Variants in BTLA observed in about 807,000 individuals in gnomAD.
BTLA encodes the protein B- and T-lymphocyte attenuator.
BTLA carries 11 observed loss-of-function variants against 25.0 expected under a neutral mutation model. That is an observed-to-expected ratio of 0.44 (90% CI 0.28 to 0.73). The LOEUF (loss-of-function observed/expected upper bound fraction) is 0.73, where lower values mean the gene tolerates loss of function less well. BTLA is among the 30% of genes least tolerant of loss of function. The probability of loss-of-function intolerance (pLI) is 0.15; values close to 1 mark genes in which losing one functional copy is unlikely to be tolerated. For synonymous variants in BTLA, 104 were observed against 119.8 expected, an observed-to-expected ratio of 0.87 and a Z score of 0.86; for missense variants, 282 against 332.8, an observed-to-expected ratio of 0.85 and a Z score of 1.19.
intron 1 of BTLA, among the ~76,000 whole-genome samples, chr3:112,492,762 A>AC (rs1177912038): frequency 6.6e-6 from 1 of 152,094 alleles, no homozygotes; most frequent in African/African-American, 2.4e-5. Flanking sequence ...TGGGGCCATA[A>AC]CCCCCCAGAT....
intron 2 of BTLA, among the ~76,000 whole-genome samples, chr3:112,477,612 C>T (rs2082295904): frequency 6.6e-6 from 1 of 151,986 alleles, no homozygotes; most frequent in Admixed American, 6.5e-5. Flanking sequence ...TCCAATTTAT[C>T]TATTTTTGGT....
chr3:112,484,409 G>C (rs556047026), intron 1 of BTLA, among the ~76,000 whole-genome samples: 1 of 152,262 alleles, frequency 6.6e-6, no homozygotes, highest in Admixed American at 6.5e-5. Flanking sequence ...CTAACACATT[G>C]AGCGAATTTG....
intron 1 of BTLA, among the ~76,000 whole-genome samples, chr3:112,485,989 A>C (rs768024050): frequency 5.3e-5 from 8 of 152,068 alleles, no homozygotes; most frequent in Non-Finnish European, 8.8e-5. Context: ...TGGTGGCGGG[A>C]GCCTGTAGTC....
intron 1 of BTLA, among the ~76,000 whole-genome samples, chr3:112,492,620 C>G (rs115916660): frequency 6.6e-6 from 1 of 152,202 alleles, no homozygotes; most frequent in African/African-American, 2.4e-5. Flanking sequence ...CATTCTACCA[C>G]AGACATCACA....
At chr3:112,480,395 C>T (rs968275944) in intron 1 of BTLA, among the ~76,000 whole-genome samples, 6 of 152,202 alleles carry the variant, frequency 3.9e-5, no homozygotes, top group Admixed American at 6.5e-5. Context: ...TCTCTACACA[C>T]GGACACATGA....
At chr3:112,493,914 C>T (rs1282337240) in intron 1 of BTLA, among the ~76,000 whole-genome samples, 1 of 152,156 alleles carries the variant, frequency 6.6e-6, no homozygotes, top group Non-Finnish European at 1.5e-5. Context: ...AGATCAAGAC[C>T]ATCCTGACTA....
At chr3:112,482,636 A>C (rs1225261892) in intron 1 of BTLA, among the ~76,000 whole-genome samples, 2 of 152,210 alleles carry the variant, frequency 1.3e-5, no homozygotes, top group Non-Finnish European at 2.9e-5. Flanking sequence ...AGTGAGAAAA[A>C]GGACCTGCAG....
intron 4 of BTLA, among the ~76,000 whole-genome samples, chr3:112,468,715 T>C (rs573784925): frequency 2.0e-5 from 3 of 152,312 alleles, no homozygotes; most frequent in Non-Finnish European, 2.9e-5. Context: ...GAAATTTTTA[T>C]TATTATTTAC....
intron 1 of BTLA, among the ~76,000 whole-genome samples, chr3:112,480,373 C>T (rs1373850194): frequency 1.3e-5 from 2 of 152,178 alleles, no homozygotes; most frequent in African/African-American, 2.4e-5. Context: ...TCACACAAAG[C>T]CTGTTTGGTG....
chr3:112,469,682 T>C, intron 4 of BTLA, 76 bp downstream of exon 4: 1 of 1,107,356 alleles, frequency 9.0e-7, no homozygotes, highest in East Asian at 2.7e-5. Flanking sequence ...CATGGTGTTA[T>C]ATAAATTCAT....
chr3:112,486,691 AG>A (rs2082349680), intron 1 of BTLA, among the ~76,000 whole-genome samples: 1 of 152,224 alleles, frequency 6.6e-6, no homozygotes, highest in African/African-American at 2.4e-5. Context: ...TATTTTCTAA[AG>A]TTAGTTTTAA....
At chr3:112,474,554 A>G (rs1482841617) in intron 2 of BTLA, among the ~76,000 whole-genome samples, 6 of 152,196 alleles carry the variant, frequency 3.9e-5, no homozygotes, top group Non-Finnish European at 8.8e-5. Flanking sequence ...GGACATTATA[A>G]TCTTTCATGG....
At chr3:112,490,698 A>G (rs939739870) in intron 1 of BTLA, among the ~76,000 whole-genome samples, 1 of 145,924 alleles carries the variant, frequency 6.9e-6, no homozygotes, top group Admixed American at 7.0e-5. Flanking sequence ...AAGAATACAC[A>G]GGGCATAAAT....
At chr3:112,469,052 TAGAG>T (rs2082245695) in intron 4 of BTLA, among the ~76,000 whole-genome samples, 1 of 152,216 alleles carries the variant, frequency 6.6e-6, no homozygotes, top group African/African-American at 2.4e-5. Context: ...TAGTTTTAAT[TAGAG>T]AGCTTCAGAA....
chr3:112,465,447 A>G lies in BTLA; in HGVS notation c.*661T>C, dbSNP rs1188051490. ...TACGTTGACTGCTCCATTAATACCTATATTTGCTTATCAATCTAACAGAGT... is the reference window on the plus strand; with the variant it reads ...TACGTTGACTGCTCCATTAATACCTGTATTTGCTTATCAATCTAACAGAGT... On this transcript the variant is annotated 3_prime_UTR_variant, in exon 5 of 5. Coordinates refer to ENST00000334529, the MANE Select transcript of BTLA (RefSeq NM_181780.4). The G allele has an allele frequency of 2.0e-5, 3 of 152,650 alleles. No individual in the cohort carries two copies. The highest frequency in any genetic ancestry group is 2.9e-5 in the Non-Finnish European group (2 of 68,044). 9.5% of individuals were successfully genotyped at this position (152,650 alleles called of 1,614,324 possible).
intron 1 of BTLA, among the ~76,000 whole-genome samples, chr3:112,493,508 C>A (rs950285522): frequency 4.6e-5 from 7 of 152,090 alleles, no homozygotes; most frequent in Non-Finnish European, 8.8e-5. Context: ...ACACACAGTT[C>A]TCTCTGTTTT....
chr3:112,471,223 C>T lies in BTLA; in HGVS notation c.536G>A (p.Arg179Lys), dbSNP rs913345196. ...TTCFCLFCCL[R>K]RHQGKQNELS... is the part of the protein sequence containing the mutation. ...AAAATAGAACCCACCTTGGTGCCTT[C>T]TCAGGCAGCAGAACAGGCAGAAACA... The change falls in exon 3 of 5, where the codon AGA becomes AAA. Residue 179 changes from arginine to lysine, a missense_variant. This residue lies in a region of BTLA where 163 missense variants were observed against 230.4 expected (regional missense o/e 0.71). Transcript: ENST00000334529. The T allele has an allele frequency of 1.9e-6, 3 of 1,613,910 alleles. No homozygotes were observed. The highest frequency in any genetic ancestry group is 8.5e-7 in the Non-Finnish European group (1 of 1,179,874).
chr3:112,486,052 G>A (rs2082345876), intron 1 of BTLA, among the ~76,000 whole-genome samples: 1 of 152,234 alleles, frequency 6.6e-6, no homozygotes, highest in Non-Finnish European at 1.5e-5. Flanking sequence ...GCGAGGCGGA[G>A]CTTCCAATGA....
chr3:112,470,059 G>T, intron 3 of BTLA: 3 of 334,148 alleles, frequency 9.0e-6, no homozygotes, highest in Middle Eastern at 4.3e-4. Flanking sequence ...ATATCACTTG[G>T]AAGAGACTGG....
Sources: gnomAD v4.1 joint callset for allele counts (sites outside exome capture counted in the v4.1 genomes callset) on GRCh38, gnomAD v4.1.1 for gene constraint, gnomAD v4.1.1 regional missense constraint, MANE v1.5 for transcripts, NCBI Gene and HGNC (gene_info 2026-07-23, HGNC 2026-07-21) for gene names.